CUL2: variants seen among roughly 807,000 people sequenced by gnomAD.
The protein encoded by CUL2 is cullin 2, also known as cullin-2.
CUL2 carries 22 observed loss-of-function variants against 110.2 expected under a neutral mutation model. That is an observed-to-expected ratio of 0.20 (90% CI 0.14 to 0.28). The LOEUF is 0.28. Ranked by LOEUF, CUL2 falls within the 10% of genes least tolerant of loss-of-function variation. The probability of loss-of-function intolerance (pLI) is 1.00; values close to 1 mark genes in which losing one functional copy is unlikely to be tolerated. For missense variants in CUL2, 631 were observed against 905.5 expected (o/e 0.70, Z 3.89); for synonymous variants, 279 against 293.2 (o/e 0.95, Z 0.49).
chr10:35,013,657 A>C lies in CUL2; in HGVS notation c.1989+42T>G, dbSNP rs757351667. 6.2e-6 allele frequency: 8 copies of C among 1,298,006 alleles called. No individual in the cohort carries two copies. In the South Asian group the frequency reaches 9.4e-5, roughly 15 times the overall value. The allele number at this position is 1,298,006 out of a possible 1,614,324, so 80.4% of individuals were successfully genotyped here. ...AACACTTGTAAAGTCCAATGCTTAA[A>C]TGTTTCCCCCTCAAAAAAAACTTGA... On this transcript the variant is annotated intron_variant, in intron 19 of 20. Coordinates refer to ENST00000374749, the MANE Select transcript of CUL2 (RefSeq NM_003591.4).
At chr10:35,079,343 A>G (rs1243278855) in intron 1 of CUL2, among the ~76,000 whole-genome samples, 1 of 152,202 alleles carries the variant, frequency 6.6e-6, no homozygotes, top group African/African-American at 2.4e-5. Context: ...GCATTGGGCT[A>G]CTTACTACTG....
chr10:35,122,695 T>C (rs1175553143), intron 1 of CUL2, among the ~76,000 whole-genome samples: 1 of 152,156 alleles, frequency 6.6e-6, no homozygotes, highest in South Asian at 2.1e-4. Flanking sequence ...TGGAGTGCAG[T>C]GGCACAATCT....
intron 1 of CUL2, among the ~76,000 whole-genome samples, chr10:35,109,427 C>T (rs903757313): frequency 6.6e-6 from 1 of 152,138 alleles, no homozygotes; most frequent in Non-Finnish European, 1.5e-5. Context: ...TCTCAATAAA[C>T]TTACATTCCA....
chr10:35,021,868 G>C (rs546465873), intron 17 of CUL2, among the ~76,000 whole-genome samples: 1 of 98,446 alleles, frequency 1.0e-5, no homozygotes, highest in Non-Finnish European at 2.1e-5. Flanking sequence ...AGGTGGGGTG[G>C]GGTGAGGTGG....
intron 1 of CUL2, among the ~76,000 whole-genome samples, chr10:35,116,187 A>G (rs1367887700): frequency 2.0e-5 from 3 of 152,152 alleles, no homozygotes; most frequent in South Asian, 4.1e-4. Context: ...TACTAAAAAT[A>G]CAAAAATTAG....
chr10:35,119,619 G>C (rs1430051135), intron 1 of CUL2, among the ~76,000 whole-genome samples: 1 of 150,478 alleles, frequency 6.6e-6, no homozygotes, highest in Non-Finnish European at 1.5e-5. Context: ...TAGAGACAGG[G>C]TCTCACTCTG....
chr10:35,077,520 AAAG>A (rs1564742896), intron 1 of CUL2, among the ~76,000 whole-genome samples: 1 of 151,944 alleles, frequency 6.6e-6, no homozygotes, highest in East Asian at 1.9e-4. Context: ...AATAAAATAA[AAAG>A]AAATAAAAAT....
At chr10:35,115,475 G>A (rs1015088736) in intron 1 of CUL2, among the ~76,000 whole-genome samples, 10 of 152,060 alleles carry the variant, frequency 6.6e-5, no homozygotes, top group South Asian at 2.1e-4. Context: ...CAGGAAAATC[G>A]CTTGAACCTG....
intron 1 of CUL2, among the ~76,000 whole-genome samples, chr10:35,076,115 A>G: frequency 6.6e-6 from 1 of 152,216 alleles, no homozygotes; most frequent in Non-Finnish European, 1.5e-5. Context: ...GTACTGATAC[A>G]CACTATCACA....
At chr10:35,032,848 T>C (rs1414718338) in intron 11 of CUL2, among the ~76,000 whole-genome samples, 1 of 152,134 alleles carries the variant, frequency 6.6e-6, no homozygotes, top group African/African-American at 2.4e-5. Context: ...TCAAATATTA[T>C]TCAATATAGC....
intron 5 of CUL2, among the ~76,000 whole-genome samples, chr10:35,051,352 G>A (rs2086104365): frequency 6.7e-6 from 1 of 150,012 alleles, no homozygotes; most frequent in Non-Finnish European, 1.5e-5. Context: ...GGTGGCTCAC[G>A]CCTGTAATCC....
intron 4 of CUL2, among the ~76,000 whole-genome samples, chr10:35,059,455 A>C (rs1167951225): frequency 7.6e-6 from 1 of 131,098 alleles, no homozygotes; most frequent in East Asian, 2.2e-4. Context: ...AATGATCAAC[A>C]GCATTTTTTT....
chr10:35,026,323 TCTGA>T (rs1318291459), intron 16 of CUL2, among the ~76,000 whole-genome samples: 15 of 152,198 alleles, frequency 9.9e-5, no homozygotes, highest in Non-Finnish European at 1.8e-4. Flanking sequence ...AGAAGTATGA[TCTGA>T]CTAACTAATA....
chr10:35,078,956 AGGC>A (rs1366140292), intron 1 of CUL2, among the ~76,000 whole-genome samples: 1 of 152,176 alleles, frequency 6.6e-6, no homozygotes, highest in East Asian at 1.9e-4. Context: ...GCCACTCAAT[AGGC>A]TTAGAGCAGA....
chr10:35,050,395 AC>A (rs2086073068), intron 5 of CUL2, among the ~76,000 whole-genome samples: 1 of 152,198 alleles, frequency 6.6e-6, no homozygotes, highest in South Asian at 2.1e-4. Context: ...AGATACCTAG[AC>A]CGTAACAGAA....
intron 2 of CUL2, among the ~76,000 whole-genome samples, chr10:35,097,551 G>A (rs1370083040): frequency 1.3e-5 from 2 of 151,080 alleles, no homozygotes; most frequent in South Asian, 2.1e-4. Context: ...CCTTCAGTCA[G>A]GTGATCAAGC....
chr10:35,052,882 G>A lies in CUL2; in HGVS notation c.423+1552C>T, dbSNP rs183492845. Among the ~76,000 whole-genome samples, 936 of 147,322 alleles carry A rather than the reference G, an allele frequency of 6.4e-3. 12 individuals are homozygous for A. The highest frequency in any genetic ancestry group is 0.022 in the African/African-American group (878 of 39,832). ...TGCACTCCAGCCTGGGTGACACAGC[G>A]AGACTCCGTCTCAAAAAAAAAAAAG... On this transcript the variant is annotated intron_variant, in intron 5 of 20. Transcript: ENST00000374749.
rs539218371 is a variant in CUL2, at chr10:35,072,525, T to A, written c.-22-1186A>T. ...CTGGGACTACAGGCGCCCGCCACCA[T>A]GCCCGGCTCATTTTTTGTATTTTTA... On this transcript the variant is annotated intron_variant, in intron 1 of 20. Transcript: ENST00000374749. 1.1e-3 allele frequency among the ~76,000 whole-genome samples: 175 copies of A among 152,176 alleles called. 1 individual carries two copies. The highest frequency in any genetic ancestry group is 3.9e-3 in the African/African-American group (164 of 41,528).
intron 1 of CUL2, among the ~76,000 whole-genome samples, chr10:35,073,591 T>C (rs554399267): frequency 6.6e-6 from 1 of 151,856 alleles, no homozygotes; most frequent in Non-Finnish European, 1.5e-5. Context: ...TTTTCTTTTT[T>C]TTTTTCTTTT....
Sources: gnomAD v4.1 joint callset for allele counts (sites outside exome capture counted in the v4.1 genomes callset) on GRCh38, gnomAD v4.1.1 for gene constraint, MANE v1.5 for transcripts, NCBI Gene and HGNC (gene_info 2026-07-23, HGNC 2026-07-21) for gene names.